The following FOXH1 variants were observed in gnomAD, a reference collection of about 807,000 sequenced individuals.
FOXH1 encodes forkhead box protein H1.
In FOXH1, 10 loss-of-function variants were observed where a neutral mutation model predicts 14.2. The observed-to-expected ratio is 0.70, with a 90% CI of 0.43 to 1.19. The LOEUF (loss-of-function observed/expected upper bound fraction) is 1.19. Ranked by LOEUF, FOXH1 falls within the 50% of genes most tolerant of loss-of-function variation. The probability of loss-of-function intolerance (pLI) is 0.00; values close to 1 mark genes in which losing one functional copy is unlikely to be tolerated. For missense variants in FOXH1, 643 were observed against 492.1 expected, an observed-to-expected ratio of 1.31 and a Z score of -2.90; for synonymous variants, 273 against 209.5, an observed-to-expected ratio of 1.30 and a Z score of -2.62.
chr8:144,474,241 C>T lies in FOXH1; in HGVS notation c.1095G>A (p.Leu365=), dbSNP rs779133114. ...AGTGGCCCCTGTCTTAAGAGCCTCA[C>T]AGGCTGCACCAGGAGAGCAGCCAGC... ...GPGWLLSWCS[L] is the part of the protein sequence containing the mutation. The change falls in exon 3 of 3, where the codon CTG becomes CTA. Residue 365 remains leucine (L), a synonymous_variant. Transcript: ENST00000377317. The T allele has an allele frequency of 1.3e-6, 2 of 1,569,194 alleles. No individual in the cohort carries two copies. Among genetic ancestry groups the T allele is most frequent in the Non-Finnish European group, 1.7e-6 (2 of 1,157,812 alleles).
At chr8:144,475,080 G>T (rs751677345) in intron 2 of FOXH1, 24 bp from the exon 3 acceptor site, 2 of 1,600,428 alleles carry the variant, frequency 1.2e-6, no homozygotes. Flanking sequence ...TCAGACATGG[G>T]TGGGGCTGCC....
Position 144,475,810 on chromosome 8 carries a change from G to T in FOXH1, c.-54C>A. 1 of 1,256,310 alleles carries T rather than the reference G, an allele frequency of 8.0e-7. No homozygotes were observed. 77.8% of individuals were successfully genotyped at this position (1,256,310 alleles called of 1,614,324 possible). On this transcript the variant is annotated 5_prime_UTR_variant, in exon 1 of 3. Transcript: ENST00000377317. ...CCTGGCCGGGTGGAGGGTGCAGGGC[G>T]GTGGGGCAGTGTAGAAGGCAGGGCC...
At position 144,473,576 on chromosome 8, in the gene FOXH1, G is replaced by A; in HGVS notation, c.*662C>T. On this transcript the variant is annotated 3_prime_UTR_variant, in exon 3 of 3. Coordinates refer to ENST00000377317, the MANE Select transcript of FOXH1 (RefSeq NM_003923.3). ...TGAAGTGTGTTGTGCCTGCTGAAGT[G>A]ATCACCCCCCGCCCCCAGCCCTGCA... 2.3e-6 allele frequency: 2 copies of A among 864,102 alleles called. No homozygotes were observed. Among genetic ancestry groups the A allele is most frequent in the Non-Finnish European group, 3.3e-6 (2 of 597,982 alleles). 53.5% of individuals were successfully genotyped at this position (864,102 alleles called of 1,614,324 possible). A position where few individuals can be genotyped will look rare whatever the true frequency, so the allele number is the denominator to read the frequency against.
Position 144,475,702 on chromosome 8 carries a change from G to T in FOXH1, c.55C>A (p.Gln19Lys). ...CTCTTCTTCCTCCTCTTAGGGGGCTGGGAGGGCGACTCTGCCTCTGGGGGC... is the reference window on the plus strand; with the variant it reads ...CTCTTCTTCCTCCTCTTAGGGGGCTTGGAGGGCGACTCTGCCTCTGGGGGC... ...LGPPEAESPS[Q>K]PPKRRKKRYL... The change falls in exon 1 of 3, where the codon CAG becomes AAG. Residue 19 changes from glutamine to lysine, a missense_variant. Gln to Lys is a moderately conservative substitution (Grantham distance 53). Coordinates refer to ENST00000377317, the MANE Select transcript of FOXH1 (RefSeq NM_003923.3). 1 of 1,423,720 alleles carries T rather than the reference G, an allele frequency of 7.0e-7. No homozygotes were observed. Among genetic ancestry groups the T allele is most frequent in the East Asian group, 2.6e-5 (1 of 38,432 alleles). The allele number at this position is 1,423,720 out of a possible 1,614,324, so 88.2% of individuals were successfully genotyped here.
At position 144,474,956 on chromosome 8, in the gene FOXH1, A is replaced by G; in HGVS notation, c.380T>C (p.Leu127Pro). ...AEALRLQNTA[L>P]CRRWQNGGAR... is the part of the protein sequence containing the mutation. ...ACCTCCGTTCTGCCAGCGCCGGCAC[A>G]GGGCGGTGTTCTGCAGCCGGAGCGC... The change falls in exon 3 of 3, where the codon CTG (leucine) becomes CCG (proline). Residue 127 changes from leucine to proline, a missense_variant. By Grantham distance (98) the Leu-to-Pro change is moderately conservative. Coordinates refer to ENST00000377317, the MANE Select transcript of FOXH1 (RefSeq NM_003923.3). 1.2e-6 allele frequency: 2 copies of G among 1,607,884 alleles called. No individual in the cohort carries two copies. The highest frequency in any genetic ancestry group is 1.7e-6 in the Non-Finnish European group (2 of 1,178,596).
chr8:144,475,069 G>A lies in FOXH1; in HGVS notation c.280-13C>T, dbSNP rs764260724. 4 of 1,600,064 alleles carry A rather than the reference G, an allele frequency of 2.5e-6. No homozygotes were observed. Among genetic ancestry groups the A allele is most frequent in the African/African-American group, 2.7e-5 (2 of 74,708 alleles). The stretch of plus-strand genomic sequence containing the variant: ...GGTCCTTGGGCACCTGGGTGTGGGG[G>A]TCAGACATGGGTGGGGCTGCCCAAC... On this transcript the variant is annotated splice_polypyrimidine_tract_variant and intron_variant, in intron 2 of 2. Transcript: ENST00000377317.
chr8:144,475,665 T>C lies in FOXH1; in HGVS notation c.92A>G (p.His31Arg). ...CAAGTAGGTGTAGGGGGGCTTGTCA[T>C]GTCGCAGGTACCTCTTCTTCCTCCT... ...PKRRKKRYLR[H>R]DKPPYTYLAM... Residue 31 changes from histidine to arginine, a missense_variant, in exon 1 of 3, where the codon CAT (histidine) becomes CGT (arginine). Coordinates refer to ENST00000377317, the MANE Select transcript of FOXH1 (RefSeq NM_003923.3). 1 of 1,421,940 alleles carries C rather than the reference T, an allele frequency of 7.0e-7. No homozygotes were observed. The highest frequency in any genetic ancestry group is 9.2e-7 in the Non-Finnish European group (1 of 1,085,422). The allele number at this position is 1,421,940 out of a possible 1,614,324, so 88.1% of individuals were successfully genotyped here.
In FOXH1 at chr8:144,473,955, C is replaced by T; in HGVS notation, c.*283G>A. ...TGGTGACTGATGGATGGGTAGTGGGCTGAGAAGAGGGGACTAGGAAGGGCT... is the reference window on the plus strand; with the variant it reads ...TGGTGACTGATGGATGGGTAGTGGGTTGAGAAGAGGGGACTAGGAAGGGCT... On this transcript the variant is annotated 3_prime_UTR_variant, in exon 3 of 3. Coordinates refer to ENST00000377317, the MANE Select transcript of FOXH1 (RefSeq NM_003923.3). 2.0e-6 allele frequency: 1 copy of T among 498,594 alleles called. No homozygotes were observed. The highest frequency in any genetic ancestry group is 5.2e-4 in the Middle Eastern group (1 of 1,934). 30.9% of individuals were successfully genotyped at this position (498,594 alleles called of 1,614,324 possible). A position where few individuals can be genotyped will look rare whatever the true frequency, so the allele number is the denominator to read the frequency against.
rs150201264 is a variant in FOXH1 at position 144,474,286 on chromosome 8, G to A, written c.1050C>T (p.Asp350=). ...GCCAGCCTGGGCCAGGGGCCGCCAG[G>A]TCCCGAGGGTGGCTGACCCAAACGT... ...IYDVWVSHPR[D]LAAPGPGWLL... Residue 350 remains aspartate, a synonymous_variant, in exon 3 of 3, where the codon GAC becomes GAT. Coordinates refer to ENST00000377317, the MANE Select transcript of FOXH1 (RefSeq NM_003923.3). 1 of 1,604,652 alleles carries A rather than the reference G, an allele frequency of 6.2e-7. No homozygotes were observed. The highest frequency in any genetic ancestry group is 1.3e-5 in the African/African-American group (1 of 74,832).
intron 1 of FOXH1, 90 bp downstream of exon 1, chr8:144,475,493 C>T (rs1350531910): frequency 1.9e-6 from 2 of 1,048,014 alleles, no homozygotes; most frequent in Non-Finnish European, 2.7e-6. Flanking sequence ...CCTGGGTGGG[C>T]TAGGAAGGGG....
Position 144,475,629 on chromosome 8 carries a change from G to A in FOXH1, c.128C>T (p.Ala43Val), listed in dbSNP as rs1825126970. The stretch of plus-strand genomic sequence containing the variant: ...GGAGGGAGCGGCCTGAATCACCAAG[G>A]CGATCATGGCCAAGTAGGTGTAGGG... ...KPPYTYLAMI[A>V]LVIQAAPSRR... Residue 43 changes from alanine (A) to valine (V), a missense_variant, in exon 1 of 3, where the codon GCC becomes GTC. Ala to Val is a moderately conservative substitution (Grantham distance 64). Coordinates refer to ENST00000377317, the MANE Select transcript of FOXH1 (RefSeq NM_003923.3). 1.4e-6 allele frequency: 2 copies of A among 1,442,302 alleles called. No homozygotes were observed. The highest frequency in any genetic ancestry group is 1.8e-6 in the Non-Finnish European group (2 of 1,094,586). The allele number at this position is 1,442,302 out of a possible 1,614,324, so 89.3% of individuals were successfully genotyped here.
At position 144,475,594 on chromosome 8, in the gene FOXH1, T is replaced by G. The variant is rs759694605; in HGVS notation, c.163A>C (p.Lys55Gln). ...CGGGGCCCGCTCACCTGGGCCAGCT[T>G]CAGTCTGCGGGAGGGAGCGGCCTGA... ...VIQAAPSRRLKLAQIIRQVQA... is the reference protein window; with the variant it reads ...VIQAAPSRRLQLAQIIRQVQA... Residue 55 changes from lysine (K) to glutamine (Q), a missense_variant, in exon 1 of 3, where the codon AAG becomes CAG. Lys to Gln is a moderately conservative substitution (Grantham distance 53). Transcript: ENST00000377317. 17 of 1,448,276 alleles carry G rather than the reference T, an allele frequency of 1.2e-5. No homozygotes were observed. In the Admixed American group the frequency reaches 4.9e-4, roughly 42 times the overall value. 89.7% of individuals were successfully genotyped at this position (1,448,276 alleles called of 1,614,324 possible).
chr8:144,475,750 G>A lies in FOXH1; in HGVS notation c.7C>T (p.Pro3Ser). Residue 3 changes from proline to serine, a missense_variant, in exon 1 of 3, where the codon CCC becomes TCC. By Grantham distance (74) the Pro-to-Ser change is moderately conservative. Coordinates refer to ENST00000377317, the MANE Select transcript of FOXH1 (RefSeq NM_003923.3). MG[P>S]CSGSRLGPPE... Reference sequence around the variant, plus strand: ...GGCCCCAGGCGGGAGCCGCTGCAGGGCCCCATGCGGGACGGTAGACAGCGT... The same window carrying A: ...GGCCCCAGGCGGGAGCCGCTGCAGGACCCCATGCGGGACGGTAGACAGCGT... The A allele has an allele frequency of 2.1e-6, 3 of 1,409,958 alleles. No homozygotes were observed. Among genetic ancestry groups the A allele is most frequent in the Non-Finnish European group, 2.8e-6 (3 of 1,081,518 alleles). 87.3% of individuals were successfully genotyped at this position (1,409,958 alleles called of 1,614,324 possible).
chr8:144,473,548 C>T lies in FOXH1; in HGVS notation c.*690G>A. 8 of 1,164,424 alleles carry T rather than the reference C, an allele frequency of 6.9e-6. No individual in the cohort carries two copies. The highest frequency in any genetic ancestry group is 9.3e-6 in the Non-Finnish European group (8 of 861,202). 72.1% of individuals were successfully genotyped at this position (1,164,424 alleles called of 1,614,324 possible). ...AGAGTCACCCCTCCACCTCCGCAGC[C>T]AGTGAAGTGTGTTGTGCCTGCTGAA... On this transcript the variant is annotated 3_prime_UTR_variant, in exon 3 of 3. Coordinates refer to ENST00000377317, the MANE Select transcript of FOXH1 (RefSeq NM_003923.3).
In FOXH1 at chr8:144,473,786, G is replaced by A; in HGVS notation, c.*452C>T. 2.6e-6 allele frequency: 1 copy of A among 383,998 alleles called. No individual in the cohort carries two copies. The highest frequency in any genetic ancestry group is 4.7e-6 in the Non-Finnish European group (1 of 213,900). The allele number at this position is 383,998 out of a possible 1,614,324, so 23.8% of individuals were successfully genotyped here. On this transcript the variant is annotated 3_prime_UTR_variant, in exon 3 of 3. Coordinates refer to ENST00000377317, the MANE Select transcript of FOXH1 (RefSeq NM_003923.3). ...TCCCCCCCACCACCAGGACCATGTAGGGTGCAGTCTTTACTCCCTAACCCG... is the reference window on the plus strand; with the variant it reads ...TCCCCCCCACCACCAGGACCATGTAAGGTGCAGTCTTTACTCCCTAACCCG...
Position 144,474,348 on chromosome 8 carries a change from G to A in FOXH1, c.988C>T (p.Leu330Phe), listed in dbSNP as rs1208680568. The part of the protein sequence containing the change: ...PPGLLCDLDA[L>F]FQGVPPNKSI... ...TTGTTGGGTGGCACCCCTTGGAAGA[G>A]GGCGTCTAGATCGCAGAGCAGCCCT... The change falls in exon 3 of 3, where the codon CTC (leucine) becomes TTC (phenylalanine). Residue 330 changes from leucine (L) to phenylalanine (F), a missense_variant. Leu to Phe is a conservative substitution (Grantham distance 22). Coordinates refer to ENST00000377317, the MANE Select transcript of FOXH1 (RefSeq NM_003923.3). 1.9e-6 allele frequency: 3 copies of A among 1,612,954 alleles called. No homozygotes were observed. The Admixed American group carries it at 5.0e-5, about 27-fold the overall frequency.
At position 144,473,817 on chromosome 8, in the gene FOXH1, C is replaced by T. The variant is rs1312630888; in HGVS notation, c.*421G>A. On this transcript the variant is annotated 3_prime_UTR_variant, in exon 3 of 3. Coordinates refer to ENST00000377317, the MANE Select transcript of FOXH1 (RefSeq NM_003923.3). ...AGTCTTTACTCCCTAACCCGTTTCC[C>T]GAAAAAGGTGCTACCTCCTTTCCAG... 5.7e-6 allele frequency: 2 copies of T among 353,308 alleles called. No homozygotes were observed. Among genetic ancestry groups the T allele is most frequent in the Non-Finnish European group, 5.1e-6 (1 of 194,400 alleles). 21.9% of individuals were successfully genotyped at this position (353,308 alleles called of 1,614,324 possible).
In FOXH1 at chr8:144,473,463, ACC is replaced by A. The variant is rs762538448; in HGVS notation, c.*773_*774del. On this transcript the variant is annotated 3_prime_UTR_variant, in exon 3 of 3. Transcript: ENST00000377317. ...GCAGAGGCGGTAGTAAAGTCCCTGTACCCCGTCTCCCAGGGCACAAGCTCCCT... is the reference window on the plus strand; with the variant it reads ...GCAGAGGCGGTAGTAAAGTCCCTGTACCGTCTCCCAGGGCACAAGCTCCCT... 2.0e-6 allele frequency: 3 copies of A among 1,473,272 alleles called. No homozygotes were observed. The Admixed American group carries it at 7.0e-5, about 35-fold the overall frequency. 91.3% of individuals were successfully genotyped at this position (1,473,272 alleles called of 1,614,324 possible).
At position 144,473,485 on chromosome 8, in the gene FOXH1, C is replaced by G. The variant is rs1285175238; in HGVS notation, c.*753G>C. The G allele has an allele frequency of 2.0e-5, 29 of 1,435,020 alleles. No individual in the cohort carries two copies. The highest frequency in any genetic ancestry group is 2.6e-5 in the Non-Finnish European group (29 of 1,096,832). The allele number at this position is 1,435,020 out of a possible 1,614,324, so 88.9% of individuals were successfully genotyped here. ...TGTACCCCGTCTCCCAGGGCACAAG[C>G]TCCCTAGCCTCTTTGGATCCATTGC... On this transcript the variant is annotated 3_prime_UTR_variant, in exon 3 of 3. Transcript: ENST00000377317.
Sources: gnomAD v4.1 joint callset for allele counts on GRCh38, gnomAD v4.1.1 for gene constraint, MANE v1.5 for transcripts, NCBI Gene and HGNC (gene_info 2026-07-23, HGNC 2026-07-21) for gene names.